Variants in NCAM2 observed in about 807,000 individuals in gnomAD.
The protein encoded by NCAM2 is neural cell adhesion molecule 2.
NCAM2 carries 30 observed loss-of-function variants against 98.1 expected under a neutral mutation model. That is an observed-to-expected ratio of 0.31 (90% CI 0.23 to 0.41). The LOEUF (loss-of-function observed/expected upper bound fraction) is 0.41. Among genes scored for constraint, NCAM2 ranks in the 10% least tolerant of loss-of-function variants. The probability of loss-of-function intolerance (pLI) is 1.00; values close to 1 mark genes in which losing one functional copy is unlikely to be tolerated. For missense variants in NCAM2, 867 were observed against 1,005.8 expected (o/e 0.86, Z 1.87); for synonymous variants, 368 against 342.4 (o/e 1.07, Z -0.83).
chr21:21,287,902 C>T (rs1444358), intron 4 of NCAM2, among the ~76,000 whole-genome samples: 125,880 of 151,804 alleles, frequency 0.83, 52,461 homozygotes, highest in East Asian at 0.99. Context: ...CTGTAAAACA[C>T]AGATGATTGC....
intron 1 of NCAM2, among the ~76,000 whole-genome samples, chr21:21,120,978 A>G (rs1328653432): frequency 1.3e-5 from 2 of 152,010 alleles, no homozygotes; most frequent in Non-Finnish European, 2.9e-5. Context: ...AGCCTCCCGA[A>G]ATGTTGGGAT....
intron 9 of NCAM2, among the ~76,000 whole-genome samples, chr21:21,396,793 T>G (rs1252966616): frequency 6.6e-6 from 1 of 151,844 alleles, no homozygotes; most frequent in Non-Finnish European, 1.5e-5. Flanking sequence ...CTTCAGGGAG[T>G]GAACAGCCCC....
intron 12 of NCAM2, among the ~76,000 whole-genome samples, chr21:21,453,452 T>C (rs1353324790): frequency 1.3e-5 from 2 of 152,048 alleles, no homozygotes; most frequent in African/African-American, 2.4e-5. Context: ...CAATGTCCCA[T>C]GGGGCCTTAC....
chr21:21,210,967 A>AACACACACACACACACACACACAC (rs71195310), intron 1 of NCAM2, among the ~76,000 whole-genome samples: 2 of 127,336 alleles, frequency 1.6e-5, no homozygotes, highest in African/African-American at 6.5e-5. Context: ...ACTCTCCCCA[A>AACACACACACACACACACACACAC]ACACACACAC....
intron 1 of NCAM2, among the ~76,000 whole-genome samples, chr21:21,071,411 G>T (rs900102857): frequency 6.6e-6 from 1 of 152,096 alleles, no homozygotes; most frequent in African/African-American, 2.4e-5. Flanking sequence ...AAAATAAAAT[G>T]TTCTGGGAGA....
intron 1 of NCAM2, among the ~76,000 whole-genome samples, chr21:21,137,390 C>T (rs1281861330): frequency 6.6e-6 from 1 of 152,086 alleles, no homozygotes; most frequent in African/African-American, 2.4e-5. Flanking sequence ...ATAATTGATA[C>T]TTAAACATGT....
At chr21:21,048,996 A>G (rs1045695759) in intron 1 of NCAM2, among the ~76,000 whole-genome samples, 19 of 147,082 alleles carry the variant, frequency 1.3e-4, no homozygotes, top group African/African-American at 4.7e-4. Context: ...TCTATTTACT[A>G]TTTATATTTA....
chr21:21,318,588 A>G (rs548137947), intron 5 of NCAM2, among the ~76,000 whole-genome samples: 2 of 152,178 alleles, frequency 1.3e-5, no homozygotes, highest in East Asian at 1.9e-4. Context: ...AAATAATCCA[A>G]TGTTAGTATA....
intron 14 of NCAM2, among the ~76,000 whole-genome samples, chr21:21,470,192 G>A (rs1051938674): frequency 1.3e-5 from 2 of 151,838 alleles, no homozygotes; most frequent in African/African-American, 4.8e-5. Flanking sequence ...GAGTAGCACT[G>A]CATCTATTTA....
intron 1 of NCAM2, among the ~76,000 whole-genome samples, chr21:21,158,928 A>G (rs2067695605): frequency 6.6e-6 from 1 of 152,170 alleles, no homozygotes; most frequent in Non-Finnish European, 1.5e-5. Context: ...AAACAAGTTC[A>G]TCAGGAGGTA....
At chr21:21,420,959 G>A (rs1329504853) in intron 11 of NCAM2, among the ~76,000 whole-genome samples, 1 of 151,662 alleles carries the variant, frequency 6.6e-6, no homozygotes, top group African/African-American at 2.4e-5. Flanking sequence ...TTAATTCCAA[G>A]CCTTTGGAAA....
chr21:21,406,936 C>A (rs1018483139), intron 9 of NCAM2, among the ~76,000 whole-genome samples: 2 of 152,114 alleles, frequency 1.3e-5, no homozygotes, highest in Non-Finnish European at 2.9e-5. Flanking sequence ...ATAGCATAGG[C>A]AAAAGTATCT....
chr21:21,147,165 C>A (rs1021757062), intron 1 of NCAM2: 2 of 968,684 alleles, frequency 2.1e-6, no homozygotes, highest in Middle Eastern at 5.3e-4. Flanking sequence ...CTGTCCCACA[C>A]CGGAGCTGGT....
chr21:21,323,829 G>A (rs2074439912), intron 5 of NCAM2, among the ~76,000 whole-genome samples: 1 of 152,106 alleles, frequency 6.6e-6, no homozygotes, highest in African/African-American at 2.4e-5. Flanking sequence ...ATTAAGTTTA[G>A]TTAATCAGAA....
intron 14 of NCAM2, among the ~76,000 whole-genome samples, chr21:21,472,099 T>A (rs1279291191): frequency 6.6e-6 from 1 of 152,062 alleles, no homozygotes; most frequent in African/African-American, 2.4e-5. Flanking sequence ...GATTTTTACA[T>A]GTTTCCATGA....
At chr21:21,255,531 G>C (rs1240586385) in intron 1 of NCAM2, among the ~76,000 whole-genome samples, 1 of 152,182 alleles carries the variant, frequency 6.6e-6, no homozygotes, top group African/African-American at 2.4e-5. Flanking sequence ...TTTTGGAAGT[G>C]TTTGATTGTA....
chr21:21,102,661 A>T (rs2066268630), intron 1 of NCAM2, among the ~76,000 whole-genome samples: 1 of 16,280 alleles, frequency 6.1e-5, no homozygotes, highest in East Asian at 1.5e-3. Context: ...AGTTGTTAAC[A>T]TATGATTTTT....
At chr21:21,530,008 T>C (rs995916517) in intron 16 of NCAM2, among the ~76,000 whole-genome samples, 3 of 148,622 alleles carry the variant, frequency 2.0e-5, no homozygotes, top group Non-Finnish European at 3.0e-5. Context: ...AATATTTTAG[T>C]TTCAAAAGCA....
At chr21:21,056,926 T>A (rs2065224052) in intron 1 of NCAM2, among the ~76,000 whole-genome samples, 1 of 152,102 alleles carries the variant, frequency 6.6e-6, no homozygotes, top group Non-Finnish European at 1.5e-5. Context: ...TCTCCCCATT[T>A]ATTTATCTGA....
Sources: gnomAD v4.1 joint callset for allele counts (sites outside exome capture counted in the v4.1 genomes callset) on GRCh38, gnomAD v4.1.1 for gene constraint, MANE v1.5 for transcripts, NCBI Gene and HGNC (gene_info 2026-07-23, HGNC 2026-07-21) for gene names.